The following CDH13 variants were observed in gnomAD, a reference collection of about 807,000 sequenced individuals.
The protein encoded by CDH13 is cadherin-13.
A neutral mutation model predicts 63.8 loss-of-function variants in CDH13; 24 were observed. That is an observed-to-expected ratio of 0.38 (90% CI 0.27 to 0.53). CDH13 has a LOEUF of 0.53. Among genes scored for constraint, CDH13 ranks in the 20% least tolerant of loss-of-function variants. The pLI is 0.85. For missense variants in CDH13, 1,049 were observed against 903.1 expected, an observed-to-expected ratio of 1.16 and a Z score of -2.07; for synonymous variants, 503 against 355.3, an observed-to-expected ratio of 1.42 and a Z score of -4.67.
intron 1 of CDH13, among the ~76,000 whole-genome samples, chr16:82,714,093 C>T (rs2032172446): frequency 6.6e-6 from 1 of 152,086 alleles, no homozygotes; most frequent in South Asian, 2.1e-4. Flanking sequence ...GCCACTGTAC[C>T]TGAACAAGTG....
chr16:83,589,742 A>G (rs999379067), intron 7 of CDH13, among the ~76,000 whole-genome samples: 1 of 152,106 alleles, frequency 6.6e-6, no homozygotes, highest in African/African-American at 2.4e-5. Flanking sequence ...GAAAATTGCT[A>G]TACAGTGTCA....
intron 3 of CDH13, among the ~76,000 whole-genome samples, chr16:83,114,058 A>G (rs1356086095): frequency 3.3e-5 from 5 of 152,128 alleles, no homozygotes; most frequent in African/African-American, 1.2e-4. Flanking sequence ...GAAAACTGTT[A>G]CTTCTGTTCT....
At chr16:83,714,666 C>G (rs1419593423) in intron 10 of CDH13, among the ~76,000 whole-genome samples, 1 of 152,184 alleles carries the variant, frequency 6.6e-6, no homozygotes, top group Non-Finnish European at 1.5e-5. Flanking sequence ...ACAAGACAGA[C>G]TCAGGAACTG....
At position 83,281,185 on chromosome 16, in the gene CDH13, G is replaced by A. The variant is rs750792347; in HGVS notation, c.637-63677G>A. Among the ~76,000 whole-genome samples the A allele has an allele frequency of 7.8e-4, 119 of 152,276 alleles. 1 individual carries two copies. Among genetic ancestry groups the A allele is most frequent in the Middle Eastern group, 3.4e-3 (1 of 294 alleles). ...GTTTAGTGTAGCCACTTTCATCAAC[G>A]ATCTTAGCTGGATCTTCTGGATATC... On this transcript the variant is annotated intron_variant, in intron 5 of 13. Coordinates refer to ENST00000567109, the MANE Select transcript of CDH13 (RefSeq NM_001257.5).
At chr16:83,449,051 A>T (rs147531666) in intron 6 of CDH13, among the ~76,000 whole-genome samples, 1 of 152,238 alleles carries the variant, frequency 6.6e-6, no homozygotes, top group African/African-American at 2.4e-5. Context: ...CTAGTTTTAG[A>T]CTCGAGAATA....
At chr16:83,661,048 CTT>C (rs5818462) in intron 8 of CDH13, among the ~76,000 whole-genome samples, 19,903 of 144,068 alleles carry the variant, frequency 0.14, 1,503 homozygotes, top group East Asian at 0.27. Context: ...AGCAGCAAAA[CTT>C]TTTTTTTTTT....
intron 5 of CDH13, among the ~76,000 whole-genome samples, chr16:83,336,968 G>T (rs2090611756): frequency 6.6e-6 from 1 of 152,138 alleles, no homozygotes; most frequent in Non-Finnish European, 1.5e-5. Flanking sequence ...GTCAAATTTT[G>T]TCGGACTAAA....
chr16:82,701,354 T>G lies in CDH13; in HGVS notation c.45+74217T>G, dbSNP rs116538200. On this transcript the variant is annotated intron_variant, in intron 1 of 13. Coordinates refer to ENST00000567109, the MANE Select transcript of CDH13 (RefSeq NM_001257.5). ...TTATAATTTTTCTACAACTTTGACT[T>G]CCATCCTGATTACTAAGACTTTTAA... is the stretch of plus-strand genomic sequence containing the variant. Among the ~76,000 whole-genome samples the G allele has an allele frequency of 4.3e-3, 661 of 152,264 alleles. 3 individuals carry two copies. The highest frequency in any genetic ancestry group is 0.015 in the African/African-American group (639 of 41,542).
chr16:83,088,742 A>G (rs2033740128), intron 3 of CDH13, among the ~76,000 whole-genome samples: 1 of 152,246 alleles, frequency 6.6e-6, no homozygotes, highest in Non-Finnish European at 1.5e-5. Context: ...AACATTTTGT[A>G]GAGTAGAAAA....
At chr16:82,706,536 T>C (rs1231165378) in intron 1 of CDH13, among the ~76,000 whole-genome samples, 9 of 151,818 alleles carry the variant, frequency 5.9e-5, no homozygotes, top group Non-Finnish European at 1.3e-4. Flanking sequence ...TTCTCTGTAA[T>C]GTTCAGAAAT....
rs970585486 is a variant in CDH13 at position 83,127,172 on chromosome 16, C to T, written c.483+1671C>T. Reference sequence around the variant, plus strand: ...GTAGAGTCGCAACATGCCTGGGTTGCATGAGAGTAAGCAAGGATGACAGTG... The same window carrying T: ...GTAGAGTCGCAACATGCCTGGGTTGTATGAGAGTAAGCAAGGATGACAGTG... On this transcript the variant is annotated intron_variant, in intron 4 of 13. Coordinates refer to ENST00000567109, the MANE Select transcript of CDH13 (RefSeq NM_001257.5). 6.6e-5 allele frequency among the ~76,000 whole-genome samples: 10 copies of T among 152,256 alleles called. No homozygotes were observed. In the East Asian group the frequency reaches 9.7e-4, roughly 15 times the overall value.
chr16:83,780,031 C>T lies in CDH13; in HGVS notation c.1745C>T (p.Ala582Val). The T allele has an allele frequency of 6.2e-7, 1 of 1,613,928 alleles. No homozygotes were observed. ...LITLEDVNDNAPFIYPTVAEV... is the reference protein window; with the variant it reads ...LITLEDVNDNVPFIYPTVAEV... Reference sequence around the variant, plus strand: ...ACCCTGGAGGACGTGAATGACAATGCCCCGTTCATTTACCCCACAGTAGCT... The same window carrying T: ...ACCCTGGAGGACGTGAATGACAATGTCCCGTTCATTTACCCCACAGTAGCT... The change falls in exon 12 of 14, where the codon GCC becomes GTC. Residue 582 changes from alanine (A) to valine (V), a missense_variant. Ala to Val is a moderately conservative substitution (Grantham distance 64, BLOSUM62 0). Coordinates refer to ENST00000567109, the MANE Select transcript of CDH13 (RefSeq NM_001257.5).
chr16:83,632,261 T>G (rs1013250836), intron 8 of CDH13, among the ~76,000 whole-genome samples: 22 of 28,714 alleles, frequency 7.7e-4, no homozygotes, highest in African/African-American at 2.1e-3. Flanking sequence ...GGGCTGACAC[T>G]GTAGAGACGT....
At chr16:83,255,524 T>C (rs1300503411) in intron 5 of CDH13, among the ~76,000 whole-genome samples, 1 of 152,230 alleles carries the variant, frequency 6.6e-6, no homozygotes, top group Non-Finnish European at 1.5e-5. Context: ...AAGAATGGGC[T>C]ACGTGTCCCG....
chr16:82,858,377 T>C lies in CDH13; in HGVS notation c.61T>C (p.Ser21Pro), dbSNP rs1001242904. ...VLLSQVLLLT[S>P]AEDLDCTPGF... is the part of the protein sequence containing the mutation. ...GTTTTCTCAGGTGCTGCTGCTAACA[T>C]CTGCAGAAGATTTGGACTGCACTCC... The change falls in exon 2 of 14, where the codon TCT (serine) becomes CCT (proline). Residue 21 changes from serine to proline, a missense_variant. Coordinates refer to ENST00000567109, the MANE Select transcript of CDH13 (RefSeq NM_001257.5). 6.2e-7 allele frequency: 1 copy of C among 1,612,148 alleles called. No homozygotes were observed. The highest frequency in any genetic ancestry group is 8.5e-7 in the Non-Finnish European group (1 of 1,178,224).
intron 6 of CDH13, among the ~76,000 whole-genome samples, chr16:83,371,171 C>T (rs897076328): frequency 6.6e-6 from 1 of 152,232 alleles, no homozygotes; most frequent in African/African-American, 2.4e-5. Context: ...CTAGCAGTCT[C>T]ATTGTTAGAT....
intron 7 of CDH13, among the ~76,000 whole-genome samples, chr16:83,601,117 A>C (rs1907748957): frequency 6.6e-6 from 1 of 152,182 alleles, no homozygotes; most frequent in Non-Finnish European, 1.5e-5. Flanking sequence ...ATTAGGACTC[A>C]TTCCAAAAGT....
intron 8 of CDH13, among the ~76,000 whole-genome samples, chr16:83,646,712 A>AAAAAAAAACACAC (rs1168012793): frequency 6.5e-4 from 52 of 80,516 alleles, no homozygotes; most frequent in Non-Finnish European, 9.8e-4. Context: ...AAAAAAAAAA[A>AAAAAAAAACACAC]ACACACACAC....
intron 1 of CDH13, among the ~76,000 whole-genome samples, chr16:82,713,591 A>G (rs994574448): frequency 1.3e-5 from 2 of 152,056 alleles, no homozygotes; most frequent in African/African-American, 4.8e-5. Context: ...TAAAAAGATG[A>G]TTGCATTCAT....
Sources: gnomAD v4.1 joint callset for allele counts (sites outside exome capture counted in the v4.1 genomes callset) on GRCh38, gnomAD v4.1.1 for gene constraint, MANE v1.5 for transcripts, NCBI Gene and HGNC (gene_info 2026-07-23, HGNC 2026-07-21) for gene names.